Variants in RAP1B observed in about 807,000 individuals in gnomAD.
The protein encoded by RAP1B is ras-related protein Rap-1b.
RAP1B carries 1 observed loss-of-function variant against 27.5 expected under a neutral mutation model. The observed-to-expected ratio is 0.04, with a 90% CI of 0.01 to 0.17. RAP1B has a LOEUF of 0.17. RAP1B is among the 10% of genes least tolerant of loss of function. The pLI, the probability that RAP1B is intolerant of heterozygous loss-of-function variation, is 1.00. For synonymous variants in RAP1B, 75 were observed against 73.1 expected (o/e 1.03, Z -0.13); for missense variants, 84 against 214.8 (o/e 0.39, Z 3.81).
At chr12:68,615,875 C>T (rs145482612) in intron 1 of RAP1B, among the ~76,000 whole-genome samples, 1 of 151,580 alleles carries the variant, frequency 6.6e-6, no homozygotes, top group African/African-American at 2.4e-5. Context: ...ATTTTTTTTC[C>T]GGTACTGGGG....
At chr12:68,632,418 G>A (rs139815202) in intron 1 of RAP1B, among the ~76,000 whole-genome samples, 14 of 152,194 alleles carry the variant, frequency 9.2e-5, no homozygotes, top group Non-Finnish European at 1.9e-4. Flanking sequence ...ACAGGCATGA[G>A]CCACTATGCC....
chr12:68,655,247 G>A (rs1249156067), intron 5 of RAP1B, among the ~76,000 whole-genome samples: 2 of 152,146 alleles, frequency 1.3e-5, no homozygotes, highest in Non-Finnish European at 2.9e-5. Flanking sequence ...AAGCCTGGGA[G>A]GTGGAGGTTG....
intron 1 of RAP1B, among the ~76,000 whole-genome samples, chr12:68,643,556 A>C (rs545372269): frequency 2.5e-4 from 38 of 152,316 alleles, no homozygotes; most frequent in African/African-American, 4.8e-4. Flanking sequence ...ATTAAGACTT[A>C]AAGAATAGAA....
chr12:68,655,534 G>GC (rs1555173587), intron 5 of RAP1B, among the ~76,000 whole-genome samples: 1 of 137,934 alleles, frequency 7.2e-6, no homozygotes, highest in African/African-American at 2.6e-5. Context: ...ATTTTGATTG[G>GC]CTTTTTTTTT....
At chr12:68,620,198 T>G (rs2135916867) in intron 1 of RAP1B, among the ~76,000 whole-genome samples, 1 of 151,354 alleles carries the variant, frequency 6.6e-6, no homozygotes, top group East Asian at 1.9e-4. Flanking sequence ...TTTTTTTATT[T>G]TTTTATTTTT....
At position 68,666,037 on chromosome 12, in the gene RAP1B, G is replaced by A. The variant is rs1043935373; in HGVS notation, c.*6788G>A. 2.6e-5 allele frequency: 4 copies of A among 152,350 alleles called. No individual in the cohort carries two copies. The highest frequency in any genetic ancestry group is 9.6e-5 in the African/African-American group (4 of 41,564). The allele number at this position is 152,350 out of a possible 1,614,324, so 9.4% of individuals were successfully genotyped here. A position where few individuals can be genotyped will look rare whatever the true frequency, so the allele number is the denominator to read the frequency against. ...CCTGCTAATTTTTCTATTTTTAGTA[G>A]AGACGGGGTTTCGCCATCTTGGCCA... On this transcript the variant is annotated 3_prime_UTR_variant, in exon 8 of 8. Transcript: ENST00000250559.
intron 1 of RAP1B, among the ~76,000 whole-genome samples, chr12:68,629,169 A>G (rs758071193): frequency 3.9e-5 from 6 of 152,096 alleles, no homozygotes; most frequent in Admixed American, 6.6e-5. Context: ...TGTAGAGACA[A>G]GGTTTCACAA....
At chr12:68,641,680 G>T (rs1873014438) in intron 1 of RAP1B, among the ~76,000 whole-genome samples, 1 of 151,906 alleles carries the variant, frequency 6.6e-6, no homozygotes, top group Non-Finnish European at 1.5e-5. Flanking sequence ...ATCTTTAAAT[G>T]TAAATGACCT....
chr12:68,658,443 A>G (rs1237646843), intron 7 of RAP1B, among the ~76,000 whole-genome samples: 2 of 152,244 alleles, frequency 1.3e-5, no homozygotes, highest in African/African-American at 2.4e-5. Context: ...CTAAAGTTCT[A>G]GGCATTTGTG....
At chr12:68,639,641 T>C (rs962138583) in intron 1 of RAP1B, among the ~76,000 whole-genome samples, 2 of 152,114 alleles carry the variant, frequency 1.3e-5, no homozygotes, top group South Asian at 2.1e-4. Context: ...GAGGTACATA[T>C]CCTCCTCTAA....
intron 1 of RAP1B, among the ~76,000 whole-genome samples, chr12:68,619,634 A>G (rs1016432814): frequency 6.6e-6 from 1 of 152,120 alleles, no homozygotes; most frequent in African/African-American, 2.4e-5. Flanking sequence ...AATATTCCCA[A>G]CTGTCTAATG....
At chr12:68,632,319 A>G (rs1245041999) in intron 1 of RAP1B, among the ~76,000 whole-genome samples, 1 of 151,692 alleles carries the variant, frequency 6.6e-6, no homozygotes, top group Non-Finnish European at 1.5e-5. Flanking sequence ...TTTTTATTAG[A>G]GACAGGGTTT....
chr12:68,624,465 A>G (rs552798751), intron 1 of RAP1B: 4 of 152,324 alleles, frequency 2.6e-5, no homozygotes, highest in Admixed American at 2.6e-4. Context: ...GAATAGGAAT[A>G]TTATAAATAG....
At chr12:68,658,770 T>G (rs2135973774) in intron 7 of RAP1B, among the ~76,000 whole-genome samples, 1 of 152,342 alleles carries the variant, frequency 6.6e-6, no homozygotes, top group Middle Eastern at 3.4e-3. Flanking sequence ...CTGAACGAGC[T>G]TTTTAGCCAC....
chr12:68,623,240 T>A (rs1871509397), intron 1 of RAP1B, among the ~76,000 whole-genome samples: 1 of 152,168 alleles, frequency 6.6e-6, no homozygotes. Flanking sequence ...ATGAGTGATA[T>A]AAATGAGTGC....
chr12:68,638,191 T>C (rs941374202), intron 1 of RAP1B, among the ~76,000 whole-genome samples: 6 of 152,242 alleles, frequency 3.9e-5, no homozygotes, highest in Admixed American at 6.5e-5. Flanking sequence ...ATTTTTTCCT[T>C]GGTAGTCACT....
intron 1 of RAP1B, among the ~76,000 whole-genome samples, chr12:68,617,439 A>G (rs1871105014): frequency 6.6e-6 from 1 of 152,228 alleles, no homozygotes; most frequent in Admixed American, 6.5e-5. Flanking sequence ...AACATATGTT[A>G]TCTGTTGTTT....
chr12:68,648,067 AT>A (rs1188701873), intron 1 of RAP1B: 2 of 152,126 alleles, frequency 1.3e-5, no homozygotes, highest in African/African-American at 4.8e-5. Flanking sequence ...TATTGTTCAT[AT>A]ACTGAAATTT....
At chr12:68,640,503 T>C (rs1322431295) in intron 1 of RAP1B, among the ~76,000 whole-genome samples, 7 of 152,222 alleles carry the variant, frequency 4.6e-5, no homozygotes, top group Non-Finnish European at 2.9e-5. Context: ...ATGTCAAATA[T>C]TGATTGCTGT....
Sources: allele counts gnomAD v4.1 joint callset (sites outside exome capture counted in the v4.1 genomes callset), GRCh38; gene constraint gnomAD v4.1.1; transcripts MANE v1.5; gene names NCBI Gene and HGNC (gene_info 2026-07-23, HGNC 2026-07-21).